Variants in FAM13A observed in about 807,000 individuals in gnomAD.
FAM13A encodes family with sequence similarity 13 member A.
FAM13A carries 76 observed loss-of-function variants against 129.6 expected under a neutral mutation model. That is an observed-to-expected ratio of 0.59 (90% CI 0.49 to 0.71). The LOEUF is 0.71. FAM13A is among the 30% of genes least tolerant of loss of function. The pLI is 0.00. For synonymous variants in FAM13A, 443 were observed against 449.9 expected, an observed-to-expected ratio of 0.98 and a Z score of 0.20; for missense variants, 1,108 against 1,249.3, an observed-to-expected ratio of 0.89 and a Z score of 1.70.
intron 7 of FAM13A, among the ~76,000 whole-genome samples, chr4:88,837,176 T>C (rs1734958543): frequency 6.6e-6 from 1 of 150,396 alleles, no homozygotes; most frequent in Non-Finnish European, 1.5e-5. Flanking sequence ...GTATTTTTAG[T>C]AGAGACGAGG....
intron 10 of FAM13A, among the ~76,000 whole-genome samples, chr4:88,782,847 G>A (rs1723215857): frequency 1.3e-5 from 2 of 152,138 alleles, no homozygotes; most frequent in Non-Finnish European, 2.9e-5. Flanking sequence ...CGCACTGAGA[G>A]CAGTGCCTTC....
chr4:88,975,120 G>A (rs1489569163), intron 4 of FAM13A, among the ~76,000 whole-genome samples: 9 of 152,050 alleles, frequency 5.9e-5, no homozygotes, highest in African/African-American at 1.4e-4. Flanking sequence ...AAATCTAAAC[G>A]CTCAAAAGAA....
intron 6 of FAM13A, among the ~76,000 whole-genome samples, chr4:88,903,841 C>T (rs1341787187): frequency 6.6e-6 from 1 of 152,146 alleles, no homozygotes; most frequent in Admixed American, 6.5e-5. Context: ...GAACACACAA[C>T]CTGCAGAACG....
At chr4:88,873,543 G>T (rs1741806599) in intron 6 of FAM13A, among the ~76,000 whole-genome samples, 1 of 152,160 alleles carries the variant, frequency 6.6e-6, no homozygotes, top group African/African-American at 2.4e-5. Flanking sequence ...AAATCTAGAA[G>T]AAATGGATAA....
chr4:88,824,682 C>G (rs1263020021), intron 7 of FAM13A, among the ~76,000 whole-genome samples: 1 of 150,208 alleles, frequency 6.7e-6, no homozygotes, highest in Non-Finnish European at 1.5e-5. Flanking sequence ...TAAAAAATCA[C>G]TTTAACTCTT....
chr4:88,790,611 CT>C lies in FAM13A; in HGVS notation c.1065del (p.Val356SerfsTer11). The C allele has an allele frequency of 6.2e-7, 1 of 1,607,954 alleles. No homozygotes were observed. The highest frequency in any genetic ancestry group is 8.5e-7 in the Non-Finnish European group (1 of 1,177,040). ...SPFYLSAHVP[Q>X]VSNVSATGEL... Reference sequence around the variant, plus strand: ...TCTCCGGTTGCAGACACATTGCTGACTTGGGGTACATGAGCACTGCAGAAAA... The same window carrying C: ...TCTCCGGTTGCAGACACATTGCTGACTGGGGTACATGAGCACTGCAGAAAA... On this transcript the variant is annotated frameshift_variant, in exon 9 of 24. Transcript: ENST00000264344. LOFTEE classifies it high-confidence loss of function.
At chr4:88,979,792 G>A (rs551443995) in intron 4 of FAM13A, among the ~76,000 whole-genome samples, 1 of 152,092 alleles carries the variant, frequency 6.6e-6, no homozygotes, top group Non-Finnish European at 1.5e-5. Context: ...CCAACATGGT[G>A]AAACCCCGTC....
intron 23 of FAM13A, among the ~76,000 whole-genome samples, chr4:88,730,781 G>C (rs562921852): frequency 1.3e-5 from 2 of 152,268 alleles, no homozygotes; most frequent in Non-Finnish European, 1.5e-5. Flanking sequence ...GTAATACTTA[G>C]ATCTCTCTTT....
intron 5 of FAM13A, among the ~76,000 whole-genome samples, chr4:88,935,697 C>T (rs1273926563): frequency 6.6e-6 from 1 of 152,090 alleles, no homozygotes; most frequent in Admixed American, 6.6e-5. Flanking sequence ...ATGATCTTTA[C>T]AATTTTCAAA....
At chr4:89,014,183 G>A (rs1766139208) in intron 3 of FAM13A, among the ~76,000 whole-genome samples, 2 of 152,166 alleles carry the variant, frequency 1.3e-5, no homozygotes, top group Middle Eastern at 3.2e-3. Context: ...ACAGATGCAT[G>A]ACAATAAACG....
intron 7 of FAM13A, among the ~76,000 whole-genome samples, chr4:88,842,681 A>G (rs1319073316): frequency 2.0e-5 from 3 of 152,262 alleles, no homozygotes; most frequent in Non-Finnish European, 2.9e-5. Context: ...AATTCAGCTA[A>G]GATCACAGGA....
intron 8 of FAM13A, among the ~76,000 whole-genome samples, chr4:88,798,006 G>A (rs1726575409): frequency 6.6e-6 from 1 of 152,122 alleles, no homozygotes; most frequent in South Asian, 2.1e-4. Flanking sequence ...TGGTTCTTAA[G>A]GTGGAACAAT....
At chr4:89,031,278 T>A (rs1466838145) in intron 1 of FAM13A, among the ~76,000 whole-genome samples, 3 of 152,090 alleles carry the variant, frequency 2.0e-5, no homozygotes, top group Non-Finnish European at 4.4e-5. Flanking sequence ...TAAAAAAAAA[T>A]TTCAGTGTAG....
intron 14 of FAM13A, among the ~76,000 whole-genome samples, chr4:88,757,300 T>C (rs897943210): frequency 6.6e-6 from 1 of 152,142 alleles, no homozygotes; most frequent in South Asian, 2.1e-4. Flanking sequence ...TGTGGCTAAT[T>C]TGAATTCTAA....
At chr4:88,992,292 G>A (rs1307392201) in intron 3 of FAM13A, among the ~76,000 whole-genome samples, 3 of 147,468 alleles carry the variant, frequency 2.0e-5, no homozygotes, top group Non-Finnish European at 4.5e-5. Context: ...TTTTTAAGGA[G>A]TCTCGCTCTT....
chr4:88,967,175 T>C (rs1012175331), intron 4 of FAM13A, among the ~76,000 whole-genome samples: 1 of 152,184 alleles, frequency 6.6e-6, no homozygotes, highest in Non-Finnish European at 1.5e-5. Context: ...ATAAACACTG[T>C]TACCTGTGAT....
At chr4:89,027,640 A>C (rs1179474600) in intron 2 of FAM13A, among the ~76,000 whole-genome samples, 2 of 152,250 alleles carry the variant, frequency 1.3e-5, no homozygotes, top group Middle Eastern at 3.4e-3. Flanking sequence ...CAATTAAAAG[A>C]AGCACTTCAT....
intron 7 of FAM13A, among the ~76,000 whole-genome samples, chr4:88,831,762 A>T (rs10028284): frequency 0.18 from 27,681 of 152,186 alleles, 3,303 homozygotes; most frequent in East Asian, 0.61. Flanking sequence ...AACAAATGGA[A>T]AAACATCTCA....
chr4:88,953,035 T>C (rs1195689948), intron 4 of FAM13A, among the ~76,000 whole-genome samples: 1 of 152,216 alleles, frequency 6.6e-6, no homozygotes, highest in Non-Finnish European at 1.5e-5. Flanking sequence ...ACAGCATCAC[T>C]GAGATACAAT....
Sources: allele counts gnomAD v4.1 joint callset (sites outside exome capture counted in the v4.1 genomes callset), GRCh38; gene constraint gnomAD v4.1.1; transcripts MANE v1.5; gene names NCBI Gene and HGNC (gene_info 2026-07-23, HGNC 2026-07-21).